Variants in BST1 observed in about 807,000 individuals in gnomAD.
BST1 encodes bone marrow stromal cell antigen 1.
In BST1, 49 loss-of-function variants were observed where a neutral mutation model predicts 40.6. The observed-to-expected ratio is 1.21, with a 90% CI of 0.96 to 1.53. The LOEUF (loss-of-function observed/expected upper bound fraction) is 1.53, where lower values mean the gene tolerates loss of function less well. Ranked by LOEUF, BST1 falls within the 40% of genes most tolerant of loss-of-function variation. BST1 has a pLI of 0.00. For synonymous variants in BST1, 157 were observed against 159.3 expected, an observed-to-expected ratio of 0.99 and a Z score of 0.11; for missense variants, 423 against 395.9, an observed-to-expected ratio of 1.07 and a Z score of -0.58.
the BST1 span, among the ~76,000 whole-genome samples, chr4:15,755,599 G>A: frequency 3.9e-5 from 6 of 152,266 alleles, no homozygotes; most frequent in African/African-American, 1.2e-4. Flanking sequence ...CTGGATCTCT[G>A]TAGTTTAGCA....
chr4:15,757,679 T>C, the BST1 span, among the ~76,000 whole-genome samples: 1 of 152,210 alleles, frequency 6.6e-6, no homozygotes, highest in Non-Finnish European at 1.5e-5. Flanking sequence ...TTTGCTCTTG[T>C]TGCCCAGGCT....
At chr4:15,710,112 C>T (rs756927235) in intron 3 of BST1, among the ~76,000 whole-genome samples, 10 of 152,078 alleles carry the variant, frequency 6.6e-5, no homozygotes, top group South Asian at 2.1e-4. Flanking sequence ...AGCTGGACTA[C>T]AGGCACACAC....
rs569551088 is a variant in BST1, at chr4:15,716,791, T to C, written c.704+992T>C. Among the ~76,000 whole-genome samples the C allele has an allele frequency of 1.4e-4, 21 of 152,320 alleles. No homozygotes were observed. In the South Asian group the frequency reaches 4.1e-3, roughly 30 times the overall value. ...TCTCTCTGGAAGTTATACTTGCTTG[T>C]TGTTTTAATGTATCTATCTTGTTGC... is the stretch of plus-strand genomic sequence containing the variant. On this transcript the variant is annotated intron_variant, in intron 6 of 8. Transcript: ENST00000265016.
At chr4:15,709,018 A>G (rs184711714) in intron 3 of BST1, among the ~76,000 whole-genome samples, 31 of 152,368 alleles carry the variant, frequency 2.0e-4, no homozygotes, top group African/African-American at 6.3e-4. Flanking sequence ...AGAGAATAAA[A>G]CATGAAATTA....
chr4:15,715,333 G>C lies in BST1; in HGVS notation c.583G>C (p.Glu195Gln). ...GATCCACGTCATGCTGAATGGTTCA[G>C]AGCCAACAGGAGCCTATCCCATCAA... The part of the protein sequence containing the change: ...GVIHVMLNGS[E>Q]PTGAYPIKGF... Residue 195 changes from glutamate (E) to glutamine (Q), a missense_variant, in exon 5 of 9, where the codon GAG (glutamate) becomes CAG (glutamine). By Grantham distance (29) the Glu-to-Gln change is conservative. Transcript: ENST00000265016. The C allele has an allele frequency of 6.2e-7, 1 of 1,614,132 alleles. No homozygotes were observed. Among genetic ancestry groups the C allele is most frequent in the East Asian group, 2.2e-5 (1 of 44,874 alleles).
chr4:15,762,843 C>T, the BST1 span, among the ~76,000 whole-genome samples: 1 of 152,006 alleles, frequency 6.6e-6, no homozygotes, highest in Non-Finnish European at 1.5e-5. Flanking sequence ...GCATAATGTC[C>T]TCCAGGTTCA....
intron 1 of BST1, chr4:15,704,917 C>A (rs1400785641): frequency 1.3e-6 from 1 of 773,620 alleles, no homozygotes; most frequent in Non-Finnish European, 2.4e-6. Context: ...TCGCACATTT[C>A]AGGCAAATAA....
At chr4:15,746,345 A>G in the BST1 span, among the ~76,000 whole-genome samples, 1 of 152,278 alleles carries the variant, frequency 6.6e-6, no homozygotes, top group Non-Finnish European at 1.5e-5. Flanking sequence ...GTCTTAGTTT[A>G]TTTCCTGCTC....
downstream of BST1, among the ~76,000 whole-genome samples, chr4:15,734,162 C>T (rs1056682688): frequency 1.3e-5 from 2 of 152,016 alleles, no homozygotes; most frequent in African/African-American, 4.8e-5. Context: ...GGAGAGCAGA[C>T]CAGTGATTGT....
At chr4:15,762,085 A>G in the BST1 span, among the ~76,000 whole-genome samples, 1 of 146,252 alleles carries the variant, frequency 6.8e-6, no homozygotes, top group Non-Finnish European at 1.5e-5. Context: ...GCTACTCGGG[A>G]GGCTGAGGCA....
rs1462586042 is a variant in BST1, at chr4:15,718,930, T to C, written c.728T>C (p.Met243Thr). 13 of 1,613,988 alleles carry C rather than the reference T, an allele frequency of 8.1e-6. No homozygotes were observed. Among genetic ancestry groups the C allele is most frequent in the South Asian group, 1.1e-5 (1 of 91,068 alleles). Residue 243 changes from methionine (M) to threonine (T), a missense_variant, in exon 7 of 9, where the codon ATG becomes ACG. Met to Thr is a moderately conservative substitution (Grantham distance 81, BLOSUM62 -1). Coordinates refer to ENST00000265016, the MANE Select transcript of BST1 (RefSeq NM_004334.3). ...AGGGAATCCTGCGGGGAAGGCAGCATGAAAGTCCTGGAAAAGAGGCTGAAG... is the reference window on the plus strand; with the variant it reads ...AGGGAATCCTGCGGGGAAGGCAGCACGAAAGTCCTGGAAAAGAGGCTGAAG... ...PNVESCGEGSMKVLEKRLKDM... is the reference protein window; with the variant it reads ...PNVESCGEGSTKVLEKRLKDM...
chr4:15,707,658 G>A lies in BST1; in HGVS notation c.451+12G>A. 6.2e-7 allele frequency: 1 copy of A among 1,613,496 alleles called. No homozygotes were observed. Among genetic ancestry groups the A allele is most frequent in the Non-Finnish European group, 8.5e-7 (1 of 1,179,792 alleles). ...GAAAAATGACTCTGGTAAGACTCCT[G>A]CACAAATCACAGGAGACTTAAGAAC... On this transcript the variant is annotated intron_variant, in intron 3 of 8. Transcript: ENST00000265016.
chr4:15,768,745 C>T, the BST1 span, among the ~76,000 whole-genome samples: 1 of 152,242 alleles, frequency 6.6e-6, no homozygotes, highest in East Asian at 1.9e-4. Context: ...ATCCACCCGC[C>T]TCAGCCTCCC....
At chr4:15,736,155 T>A (rs1721555329), downstream of BST1, 1 of 1,279,728 alleles carries the variant, frequency 7.8e-7, no homozygotes, top group Admixed American at 2.3e-5. Flanking sequence ...TTCAAACATA[T>A]CATTGCCTCC....
At chr4:15,762,555 T>G in the BST1 span, among the ~76,000 whole-genome samples, 3 of 152,076 alleles carry the variant, frequency 2.0e-5, no homozygotes, top group Admixed American at 2.0e-4. Flanking sequence ...TCTGAACTTA[T>G]AACTGAAAGT....
chr4:15,711,735 ATATTG>A, intron 3 of BST1, 67 bp from the exon 4 acceptor site: 2 of 1,184,706 alleles, frequency 1.7e-6, no homozygotes, highest in Non-Finnish European at 2.5e-6. Flanking sequence ...GAACTGGGAT[ATATTG>A]TAAGTTAATT....
intron 7 of BST1, among the ~76,000 whole-genome samples, chr4:15,719,434 G>T (rs931967829): frequency 6.6e-6 from 1 of 152,014 alleles, no homozygotes; most frequent in African/African-American, 2.4e-5. Context: ...ACTACCACTT[G>T]GTGAGCAGCT....
At chr4:15,703,403 A>C in intron 1 of BST1, 71 bp downstream of exon 1, 1 of 1,457,290 alleles carries the variant, frequency 6.9e-7, no homozygotes, top group African/African-American at 1.5e-5. Context: ...GGAGGGGAAA[A>C]CTGGCGCTAA....
chr4:15,742,780 G>A (rs1393083215), downstream of BST1, among the ~76,000 whole-genome samples: 1 of 152,208 alleles, frequency 6.6e-6, no homozygotes, highest in Admixed American at 6.5e-5. Context: ...AAGGAAACTG[G>A]GGTTGAAGCC....
Sources: allele counts gnomAD v4.1 joint callset (sites outside exome capture counted in the v4.1 genomes callset), GRCh38; gene constraint gnomAD v4.1.1; transcripts MANE v1.5; gene names NCBI Gene and HGNC (gene_info 2026-07-23, HGNC 2026-07-21).